The following PCDHGA5 variants were observed in gnomAD, a reference collection of about 807,000 sequenced individuals.
PCDHGA5 encodes the protein protocadherin gamma-A5.
A neutral mutation model predicts 56.7 loss-of-function variants in PCDHGA5; 36 were observed. The ratio of observed to expected loss-of-function variants is 0.64; its 90% CI spans 0.49 to 0.84. PCDHGA5 has a LOEUF of 0.84. PCDHGA5 is among the 40% of genes least tolerant of loss of function. The pLI is 0.00. For synonymous variants in PCDHGA5, 563 were observed against 520.2 expected, an observed-to-expected ratio of 1.08 and a Z score of -1.12; for missense variants, 1,305 against 1,201.5, an observed-to-expected ratio of 1.09 and a Z score of -1.27.
At chr5:141,468,324 C>T (rs1301315098) in intron 1 of PCDHGA5, 1 of 127,722 alleles carries the variant, frequency 7.8e-6, no homozygotes, top group Non-Finnish European at 1.6e-5. Context: ...ACGGTAAACT[C>T]CATCTCAAAA....
rs1284287216 is a variant in PCDHGA5 at position 141,398,423 on chromosome 5, A to C, written c.2421+31672A>C. On this transcript the variant is annotated intron_variant, in intron 1 of 3. Transcript: ENST00000518069. ...GACAGGGAGGAGATATGCGGGAAGA[A>C]GCCAGCTTGTGCTCTGGAATTTGAG... 2.0e-6 allele frequency: 3 copies of C among 1,514,696 alleles called. No individual in the cohort carries two copies. In the South Asian group the frequency reaches 3.4e-5, roughly 17 times the overall value. The allele number at this position is 1,514,696 out of a possible 1,614,324, so 93.8% of individuals were successfully genotyped here.
At chr5:141,399,475 C>T (rs1561669837) in intron 1 of PCDHGA5, 1 of 1,614,022 alleles carries the variant, frequency 6.2e-7, no homozygotes. Context: ...GGTTTTCCAC[C>T]AGGCGTCCTA....
chr5:141,458,612 C>T (rs1381385841), intron 1 of PCDHGA5, among the ~76,000 whole-genome samples: 1 of 152,084 alleles, frequency 6.6e-6, no homozygotes, highest in Non-Finnish European at 1.5e-5. Flanking sequence ...CTCTGTCAGC[C>T]AGGCTGGAGT....
intron 1 of PCDHGA5, chr5:141,427,212 C>T (rs2097000434): frequency 4.4e-6 from 2 of 456,702 alleles, no homozygotes; most frequent in Non-Finnish European, 8.8e-6. Flanking sequence ...CTTCGAATTT[C>T]GTAGCAGTTA....
At chr5:141,375,723 C>G in intron 1 of PCDHGA5, 1 of 1,614,274 alleles carries the variant, frequency 6.2e-7, no homozygotes, top group Non-Finnish European at 8.5e-7. Context: ...AGCAACGTGT[C>G]ACTGAGCCTG....
intron 1 of PCDHGA5, chr5:141,430,816 C>G: frequency 6.5e-7 from 1 of 1,538,128 alleles, no homozygotes. Context: ...TGGGAATCCT[C>G]CTGGGGACTC....
In PCDHGA5 at chr5:141,375,018, C is replaced by A; in HGVS notation, c.2421+8267C>A. 1.9e-6 allele frequency: 3 copies of A among 1,613,982 alleles called. No individual in the cohort carries two copies. The South Asian group carries it at 3.3e-5, about 18-fold the overall frequency. ...TCTGCAAATCTAGACTATGAGGACTCGAGTTTTTATGAGCTGGGTGTTGAA... is the reference window on the plus strand; with the variant it reads ...TCTGCAAATCTAGACTATGAGGACTAGAGTTTTTATGAGCTGGGTGTTGAA... On this transcript the variant is annotated intron_variant, in intron 1 of 3. Transcript: ENST00000518069.
intron 1 of PCDHGA5, among the ~76,000 whole-genome samples, chr5:141,445,885 G>A (rs1171777990): frequency 1.3e-5 from 2 of 152,148 alleles, no homozygotes; most frequent in African/African-American, 4.8e-5. Flanking sequence ...CTTGTACTTA[G>A]GAGCTATTAA....
Position 141,490,220 on chromosome 5 carries a change from A to G in PCDHGA5, c.2422-4587A>G. 6.2e-7 allele frequency: 1 copy of G among 1,614,252 alleles called. No individual in the cohort carries two copies. Among genetic ancestry groups the G allele is most frequent in the Non-Finnish European group, 8.5e-7 (1 of 1,180,044 alleles). On this transcript the variant is annotated intron_variant, in intron 1 of 3. Coordinates refer to ENST00000518069, the MANE Select transcript of PCDHGA5 (RefSeq NM_018918.3). This position sits in a 1 kb window ranked among gnomAD's most constrained non-coding sequence, Gnocchi z 5.4. The stretch of plus-strand genomic sequence containing the variant: ...CATGCAAGAGCCCGTGACCAGGGAC[A>G]GCCTGCCATGGAGGGCCACTGTGTG...
Position 141,408,343 on chromosome 5 carries a change from G to A in PCDHGA5, c.2421+41592G>A, listed in dbSNP as rs780878986. On this transcript the variant is annotated intron_variant, in intron 1 of 3. Transcript: ENST00000518069. Reference sequence around the variant, plus strand: ...AGGAGCTGGCCAAGGGCTCGGTGGTGGGGAACCTCGCTAAGGATCTAGGGC... The same window carrying A: ...AGGAGCTGGCCAAGGGCTCGGTGGTAGGGAACCTCGCTAAGGATCTAGGGC... The A allele has an allele frequency of 1.9e-6, 3 of 1,613,924 alleles. No individual in the cohort carries two copies. In the South Asian group the frequency reaches 3.3e-5, roughly 18 times the overall value.
In PCDHGA5 at chr5:141,490,598, G is replaced by A. The variant is rs141484080; in HGVS notation, c.2422-4209G>A. On this transcript the variant is annotated intron_variant, in intron 1 of 3. Transcript: ENST00000518069. This position sits in a 1 kb window ranked among gnomAD's most constrained non-coding sequence, Gnocchi z 5.4. ...TCAGATGTCAATGACAATGCACCCC[G>A]CTTCAACCAGCAGCTTTACACTGCT... 309 of 1,614,062 alleles carry A rather than the reference G, an allele frequency of 1.9e-4. 2 individuals carry two copies. Among genetic ancestry groups the A allele is most frequent in the Admixed American group, 5.0e-4 (30 of 60,018 alleles).
chr5:141,381,832 T>TCTTC (rs1561589349), intron 1 of PCDHGA5, among the ~76,000 whole-genome samples: 34 of 135,172 alleles, frequency 2.5e-4, no homozygotes, highest in African/African-American at 1.0e-3. Context: ...TCTTCTTTTT[T>TCTTC]TTTTTTTTTT....
intron 1 of PCDHGA5, chr5:141,376,901 A>G: frequency 5.2e-6 from 1 of 191,460 alleles, no homozygotes. Context: ...GTTAGCCAGG[A>G]TGGTCTCGAT....
At chr5:141,447,433 C>T (rs756021616) in intron 1 of PCDHGA5, among the ~76,000 whole-genome samples, 5 of 152,118 alleles carry the variant, frequency 3.3e-5, no homozygotes, top group African/African-American at 7.2e-5. Context: ...CCACCGCACC[C>T]GGAGGAAATT....
intron 1 of PCDHGA5, among the ~76,000 whole-genome samples, chr5:141,466,443 C>T (rs906096545): frequency 6.6e-6 from 1 of 152,186 alleles, no homozygotes; most frequent in African/African-American, 2.4e-5. Context: ...ACCGAGATGT[C>T]TATGGTGTTG....
chr5:141,503,045 G>A (rs543484478), intron 2 of PCDHGA5, among the ~76,000 whole-genome samples: 1 of 151,702 alleles, frequency 6.6e-6, no homozygotes, highest in South Asian at 2.1e-4. Context: ...AGTTGAGACA[G>A]GGTTTCACCA....
intron 1 of PCDHGA5, chr5:141,427,774 G>C: frequency 7.0e-7 from 1 of 1,420,908 alleles, no homozygotes; most frequent in Non-Finnish European, 9.8e-7. Context: ...TTGGAGCTGC[G>C]GGCACTGTCG....
intron 1 of PCDHGA5, among the ~76,000 whole-genome samples, chr5:141,435,150 C>G (rs1256233613): frequency 6.6e-6 from 1 of 152,006 alleles, no homozygotes; most frequent in Non-Finnish European, 1.5e-5. Context: ...TTGTGATAAA[C>G]TTTTGTAAAT....
At chr5:141,387,604 T>C (rs2091008879) in intron 1 of PCDHGA5, 2 of 547,084 alleles carry the variant, frequency 3.7e-6, no homozygotes, top group Non-Finnish European at 6.4e-6. Flanking sequence ...CAGCAGAGGC[T>C]GTAGTTTCCT....
Sources: allele counts gnomAD v4.1 joint callset (sites outside exome capture counted in the v4.1 genomes callset), GRCh38; gene constraint gnomAD v4.1.1; non-coding constraint Gnocchi (gnomAD v3.1); transcripts MANE v1.5; gene names NCBI Gene and HGNC (gene_info 2026-07-23, HGNC 2026-07-21).